Variants in HCLS1 observed in about 807,000 individuals in gnomAD.
HCLS1 encodes the protein hematopoietic lineage cell-specific protein.
A neutral mutation model predicts 68.6 loss-of-function variants in HCLS1; 44 were observed. The ratio of observed to expected loss-of-function variants is 0.64; its 90% CI spans 0.50 to 0.82. HCLS1 has a LOEUF of 0.82. Among genes scored for constraint, HCLS1 ranks in the 40% least tolerant of loss-of-function variants. HCLS1 has a pLI of 0.00. For missense variants in HCLS1, 602 were observed against 612.1 expected (o/e 0.98, Z 0.17); for synonymous variants, 217 against 225.8 (o/e 0.96, Z 0.35).
Position 121,637,268 on chromosome 3 carries a change from G to A in HCLS1, c.455-12C>T. ...GCCACGAGAGTAATCTGTGGTCGAA[G>A]GAGCAGTCATGAGAGCCCACCCTTA... On this transcript the variant is annotated splice_polypyrimidine_tract_variant and intron_variant, in intron 6 of 13. Transcript: ENST00000314583. The A allele has an allele frequency of 6.3e-7, 1 of 1,598,976 alleles. No individual in the cohort carries two copies. Among genetic ancestry groups the A allele is most frequent in the Non-Finnish European group, 8.6e-7 (1 of 1,166,194 alleles).
At chr3:121,645,693 C>G (rs1464445015) in intron 4 of HCLS1, among the ~76,000 whole-genome samples, 1 of 151,618 alleles carries the variant, frequency 6.6e-6, no homozygotes, top group Non-Finnish European at 1.5e-5. Flanking sequence ...AAATTTGATA[C>G]AAATAATATG....
chr3:121,644,311 G>T, intron 5 of HCLS1: 1 of 213,548 alleles, frequency 4.7e-6, no homozygotes, highest in Non-Finnish European at 9.8e-6. Flanking sequence ...ACAACATTTT[G>T]TTTTGTTTTG....
At chr3:121,648,746 C>T (rs553356310) in intron 3 of HCLS1, among the ~76,000 whole-genome samples, 226 of 152,178 alleles carry the variant, frequency 1.5e-3, no homozygotes, top group African/African-American at 5.1e-3. Context: ...CAGCTTTAGC[C>T]GCAGTTAATT....
intron 5 of HCLS1, 151 bp downstream of exon 5, chr3:121,644,667 T>G (rs773366860): frequency 5.4e-6 from 4 of 737,030 alleles, no homozygotes; most frequent in Non-Finnish European, 1.0e-5. Context: ...AGGAACTTGC[T>G]GAGGGAGGTA....
At position 121,644,768 on chromosome 3, in the gene HCLS1, A is replaced by G. The variant is rs749048106; in HGVS notation, c.399+50T>C. On this transcript the variant is annotated intron_variant, in intron 5 of 13. Transcript: ENST00000314583. ...CTCCATCCAGGGGTGATCGTGGGCA[A>G]TTTTCACAGGACTGGAGGTGGGTGG... 4 of 1,336,446 alleles carry G rather than the reference A, an allele frequency of 3.0e-6. No homozygotes were observed. In the East Asian group the frequency reaches 9.2e-5, roughly 31 times the overall value. The allele number at this position is 1,336,446 out of a possible 1,614,324, so 82.8% of individuals were successfully genotyped here.
chr3:121,638,702 A>G (rs1290349690), intron 6 of HCLS1, among the ~76,000 whole-genome samples: 3 of 152,194 alleles, frequency 2.0e-5, no homozygotes, highest in Non-Finnish European at 4.4e-5. Flanking sequence ...GAAAATATAC[A>G]TTTTGGAAAG....
chr3:121,650,923 G>A (rs1374023517), intron 3 of HCLS1, among the ~76,000 whole-genome samples: 1 of 152,090 alleles, frequency 6.6e-6, no homozygotes, highest in Non-Finnish European at 1.5e-5. Context: ...GGATCACAAG[G>A]TCAGGAGCTC....
At chr3:121,634,521 AG>A in intron 9 of HCLS1, 103 bp from the exon 10 acceptor site, 1 of 1,095,334 alleles carries the variant, frequency 9.1e-7, no homozygotes, top group Non-Finnish European at 1.4e-6. Flanking sequence ...ATCCGGGAGG[AG>A]GGATTTGTGG....
At position 121,633,052 on chromosome 3, in the gene HCLS1, TG is replaced by T. The variant is rs1462714855; in HGVS notation, c.1008+14del. On this transcript the variant is annotated intron_variant, in intron 11 of 13. Transcript: ENST00000314583. ...AGATGGGGTGGGGGCAGAGAATCTT[TG>T]GGGGTTTGCTTACCTCCGGGAGAGT... The T allele has an allele frequency of 6.4e-7, 1 of 1,553,342 alleles. No homozygotes were observed. Among genetic ancestry groups the T allele is most frequent in the Non-Finnish European group, 8.9e-7 (1 of 1,125,864 alleles).
rs771213997 is a variant in HCLS1, at chr3:121,644,897, A to G, written c.320T>C (p.Val107Ala). Reference sequence around the variant, plus strand: ...ATCCGTCTGAGAAGAGTGCTTCTCCACCTCGGCAACATACTCATGGCCCAC... The same window carrying G: ...ATCCGTCTGAGAAGAGTGCTTCTCCGCCTCGGCAACATACTCATGGCCCAC... ...SAVGHEYVAE[V>A]EKHSSQTDAA... The change falls in exon 5 of 14, where the codon GTG becomes GCG. Residue 107 changes from valine to alanine, a missense_variant. Val to Ala is a moderately conservative substitution (Grantham distance 64). Coordinates refer to ENST00000314583, the MANE Select transcript of HCLS1 (RefSeq NM_005335.6). 6.2e-7 allele frequency: 1 copy of G among 1,614,000 alleles called. No individual in the cohort carries two copies.
chr3:121,655,302 C>T (rs1937836110), intron 3 of HCLS1, among the ~76,000 whole-genome samples: 1 of 152,120 alleles, frequency 6.6e-6, no homozygotes. Flanking sequence ...TCTGATTAAA[C>T]TAACCTATAT....
In HCLS1 at chr3:121,633,152, G is replaced by A; in HGVS notation, c.923C>T (p.Thr308Ile). The A allele has an allele frequency of 6.2e-7, 1 of 1,610,046 alleles. No individual in the cohort carries two copies. Among genetic ancestry groups the A allele is most frequent in the Non-Finnish European group, 8.5e-7 (1 of 1,177,870 alleles). The change falls in exon 11 of 14, where the codon ACT becomes ATT. Residue 308 changes from threonine (T) to isoleucine (I), a missense_variant. Coordinates refer to ENST00000314583, the MANE Select transcript of HCLS1 (RefSeq NM_005335.6). Reference sequence around the variant, plus strand: ...AGGCTCAGACTCTGATGATGGAGGAGTCCCAACTGGAGGCCAGGCCTGTGG... The same window carrying A: ...AGGCTCAGACTCTGATGATGGAGGAATCCCAACTGGAGGCCAGGCCTGTGG... ...ISSEAWPPVGTPPSSESEPVR... is the reference protein window; with the variant it reads ...ISSEAWPPVGIPPSSESEPVR...
At chr3:121,658,627 C>A (rs1203799572) in intron 1 of HCLS1, among the ~76,000 whole-genome samples, 5 of 152,194 alleles carry the variant, frequency 3.3e-5, no homozygotes, top group Non-Finnish European at 4.4e-5. Context: ...CACTAGGTAA[C>A]CCACGAGTCA....
At position 121,634,210 on chromosome 3, in the gene HCLS1, TGAG is replaced by T. The variant is rs2049127080; in HGVS notation, c.897_899del (p.Ser300del). The stretch of plus-strand genomic sequence containing the variant: ...TCCCAGAGGGCCAGGCGCTCACCTC[TGAG>T]GAGATTTTCTTGGGCAGTGGGGCCG... On this transcript the variant is annotated inframe_deletion, in exon 10 of 14. Coordinates refer to ENST00000314583, the MANE Select transcript of HCLS1 (RefSeq NM_005335.6). 2.5e-6 allele frequency: 4 copies of T among 1,614,146 alleles called. No individual in the cohort carries two copies. The highest frequency in any genetic ancestry group is 2.2e-5 in the East Asian group (1 of 44,876).
chr3:121,647,596 T>C (rs1342460852), intron 3 of HCLS1, 148 bp from the exon 4 acceptor site: 4 of 692,884 alleles, frequency 5.8e-6, no homozygotes, highest in Non-Finnish European at 9.5e-6. Flanking sequence ...GGTCTGGAAG[T>C]AAAAGATCAG....
In HCLS1 at chr3:121,648,806, ACC is replaced by A. The variant is rs1402627767; in HGVS notation, c.159-1360_159-1359del. 2.6e-5 allele frequency among the ~76,000 whole-genome samples: 4 copies of A among 152,052 alleles called. No homozygotes were observed. In the South Asian group the frequency reaches 8.3e-4, roughly 32 times the overall value. On this transcript the variant is annotated intron_variant, in intron 3 of 13. Transcript: ENST00000314583. ...TGAAATTAAGCCAAGTGCTGGAAGA[ACC>A]CCCTGTTCCCATGCCTCCTCTAAAC...
chr3:121,636,358 T>C lies in HCLS1; in HGVS notation c.621+76A>G, dbSNP rs2049151259. 4 of 1,259,358 alleles carry C rather than the reference T, an allele frequency of 3.2e-6. No individual in the cohort carries two copies. The Admixed American group carries it at 5.1e-5, about 16-fold the overall frequency. 78.0% of individuals were successfully genotyped at this position (1,259,358 alleles called of 1,614,324 possible). ...CCACCGTCCCCTCCCTCTCCCAGCC[T>C]TCTTCACGCTCTTCTCTGCACACTT... On this transcript the variant is annotated intron_variant, in intron 8 of 13. Coordinates refer to ENST00000314583, the MANE Select transcript of HCLS1 (RefSeq NM_005335.6).
At chr3:121,646,353 ATTAC>A (rs61720712) in intron 4 of HCLS1, among the ~76,000 whole-genome samples, 23,170 of 101,640 alleles carry the variant, frequency 0.23, 2,898 homozygotes, top group East Asian at 0.47. Context: ...TATATAATAT[ATTAC>A]ATTATATTAC....
chr3:121,638,746 T>C (rs760599135), intron 6 of HCLS1, among the ~76,000 whole-genome samples: 6 of 152,170 alleles, frequency 3.9e-5, no homozygotes, highest in Admixed American at 1.3e-4. Flanking sequence ...GAATATGAGA[T>C]AAAGTGATCT....
Sources: allele counts gnomAD v4.1 joint callset (sites outside exome capture counted in the v4.1 genomes callset), GRCh38; gene constraint gnomAD v4.1.1; transcripts MANE v1.5; gene names NCBI Gene and HGNC (gene_info 2026-07-23, HGNC 2026-07-21).